Variants in PMS1 observed in about 807,000 individuals in gnomAD.
PMS1 encodes the protein PMS1 homolog 1, mismatch repair system component, also known as PMS1 protein homolog 1.
A neutral mutation model predicts 93.1 loss-of-function variants in PMS1; 79 were observed. That is an observed-to-expected ratio of 0.85 (90% confidence interval 0.71 to 1.02). PMS1 has a LOEUF of 1.02. Ranked by LOEUF, PMS1 falls within the 50% of genes least tolerant of loss-of-function variation. The pLI, the probability that PMS1 is intolerant of heterozygous loss-of-function variation, is 0.00. For synonymous variants in PMS1, 335 were observed against 363.4 expected (o/e 0.92, Z 0.89); for missense variants, 1,064 against 1,085.3 (o/e 0.98, Z 0.28).
At chr2:189,838,050 C>A (rs1345582013) in intron 5 of PMS1, among the ~76,000 whole-genome samples, 1 of 152,070 alleles carries the variant, frequency 6.6e-6, no homozygotes, top group Non-Finnish European at 1.5e-5. Flanking sequence ...TCTTTTTGGA[C>A]TGATAAAATT....
intron 5 of PMS1, 57 bp from the exon 6 acceptor site, chr2:189,843,907 T>C: frequency 6.9e-7 from 1 of 1,459,366 alleles, no homozygotes; most frequent in Non-Finnish European, 9.6e-7. Flanking sequence ...TACTGACTTC[T>C]TGAGTTTAGT....
chr2:189,846,548 A>C (rs1368399280), intron 6 of PMS1, among the ~76,000 whole-genome samples: 1 of 151,804 alleles, frequency 6.6e-6, no homozygotes, highest in Non-Finnish European at 1.5e-5. Flanking sequence ...GCATGGTAGT[A>C]CGTGCCTGTA....
intron 9 of PMS1, among the ~76,000 whole-genome samples, chr2:189,856,797 A>G (rs768937878): frequency 3.9e-5 from 6 of 152,166 alleles, no homozygotes; most frequent in Admixed American, 1.3e-4. Flanking sequence ...AACAGCAGGT[A>G]TCATTCCAGT....
At chr2:189,785,337 C>CT (rs968561593) in intron 1 of PMS1, 4 of 152,114 alleles carry the variant, frequency 2.6e-5, no homozygotes, top group African/African-American at 9.7e-5. Context: ...ATCTTTACTT[C>CT]TTTTTTAGGC....
chr2:189,826,863 A>G (rs2052477127), intron 5 of PMS1, among the ~76,000 whole-genome samples: 1 of 152,214 alleles, frequency 6.6e-6, no homozygotes, highest in Non-Finnish European at 1.5e-5. Flanking sequence ...TGTTAAAGCC[A>G]AAATAGTAAG....
intron 5 of PMS1, among the ~76,000 whole-genome samples, chr2:189,825,791 A>G (rs1233286): frequency 0.01 from 1,547 of 152,282 alleles, 20 homozygotes; most frequent in African/African-American, 0.035. Flanking sequence ...TCCCACTTCT[A>G]TATCACATGA....
chr2:189,790,121 G>A (rs1034754665), intron 1 of PMS1, among the ~76,000 whole-genome samples: 1 of 152,134 alleles, frequency 6.6e-6, no homozygotes, highest in Admixed American at 6.5e-5. Context: ...TAATGTCGTA[G>A]GCAGAATAAT....
In PMS1 at chr2:189,784,515, G is replaced by T. The variant is rs577363454; in HGVS notation, c.-99G>T. The T allele has an allele frequency of 1.1e-3, 172 of 153,050 alleles. No individual in the cohort carries two copies. In the Middle Eastern group the frequency reaches 0.027, roughly 24 times the overall value. The allele number at this position is 153,050 out of a possible 1,614,324, so 9.5% of individuals were successfully genotyped here. On this transcript the variant is annotated 5_prime_UTR_variant, in exon 1 of 13. Transcript: ENST00000441310. Reference sequence around the variant, plus strand: ...TGCTGGGTGCGGGTGCGGGTGCGGGGTTGGGCCTGCGCATCGGGTGAGACG... The same window carrying T: ...TGCTGGGTGCGGGTGCGGGTGCGGGTTTGGGCCTGCGCATCGGGTGAGACG...
At chr2:189,876,079 G>T (rs1429209196) in intron 12 of PMS1, among the ~76,000 whole-genome samples, 1 of 151,106 alleles carries the variant, frequency 6.6e-6, no homozygotes, top group South Asian at 2.1e-4. Context: ...AACAGAAAAG[G>T]GGAAAAATGA....
intron 3 of PMS1, among the ~76,000 whole-genome samples, chr2:189,802,149 C>T (rs2049946736): frequency 6.6e-6 from 1 of 152,084 alleles, no homozygotes; most frequent in African/African-American, 2.4e-5. Flanking sequence ...GAATATTATT[C>T]TCACCTTATC....
At chr2:189,844,749 T>C (rs887393886) in intron 6 of PMS1, among the ~76,000 whole-genome samples, 9 of 151,922 alleles carry the variant, frequency 5.9e-5, no homozygotes, top group Admixed American at 5.2e-4. Context: ...TTTTACTCCC[T>C]AATACTGGAT....
intron 5 of PMS1, among the ~76,000 whole-genome samples, chr2:189,835,827 C>A (rs750729238): frequency 2.0e-5 from 3 of 148,288 alleles, no homozygotes; most frequent in Non-Finnish European, 4.4e-5. Flanking sequence ...AATCGGGAGG[C>A]TGAGGCAGGA....
chr2:189,805,442 C>G (rs2050248514), intron 3 of PMS1, among the ~76,000 whole-genome samples: 1 of 152,080 alleles, frequency 6.6e-6, no homozygotes, highest in South Asian at 2.1e-4. Context: ...ATACTCAAAA[C>G]AGTAATTTGC....
chr2:189,852,858 C>A (rs554727475), intron 7 of PMS1, 81 bp downstream of exon 7: 3 of 876,958 alleles, frequency 3.4e-6, no homozygotes, highest in South Asian at 2.9e-5. Flanking sequence ...AGAATTTGCT[C>A]TAAAATAAAA....
At chr2:189,860,324 G>C (rs13432549) in intron 9 of PMS1, among the ~76,000 whole-genome samples, 4,937 of 151,994 alleles carry the variant, frequency 0.032, 267 homozygotes, top group African/African-American at 0.11. Context: ...AAAATCATGT[G>C]ATGTATACTC....
At chr2:189,830,283 T>C (rs749756051) in intron 5 of PMS1, among the ~76,000 whole-genome samples, 2 of 152,214 alleles carry the variant, frequency 1.3e-5, no homozygotes, top group Non-Finnish European at 2.9e-5. Context: ...ATTTCATTAA[T>C]CTTTTTCCTT....
intron 11 of PMS1, among the ~76,000 whole-genome samples, chr2:189,870,389 A>G (rs1271956766): frequency 1.3e-5 from 2 of 152,210 alleles, no homozygotes; most frequent in Non-Finnish European, 2.9e-5. Context: ...GTCCTGCATC[A>G]ATAAGAATTC....
chr2:189,792,975 A>G (rs2049026834), intron 2 of PMS1, among the ~76,000 whole-genome samples: 1 of 151,686 alleles, frequency 6.6e-6, no homozygotes, highest in Non-Finnish European at 1.5e-5. Flanking sequence ...ACGCCTGGCA[A>G]ATTTTTGTAT....
At chr2:189,810,916 C>T (rs376816752) in intron 4 of PMS1, among the ~76,000 whole-genome samples, 1 of 149,082 alleles carries the variant, frequency 6.7e-6, no homozygotes, top group South Asian at 2.1e-4. Flanking sequence ...AAATGGGATC[C>T]GTAATCAAGA....
Sources: allele counts gnomAD v4.1 joint callset (sites outside exome capture counted in the v4.1 genomes callset), GRCh38; gene constraint gnomAD v4.1.1; transcripts MANE v1.5; gene names NCBI Gene and HGNC (gene_info 2026-07-23, HGNC 2026-07-21).